The following DNAH5 variants were observed in gnomAD, a reference collection of about 807,000 sequenced individuals.
The protein encoded by DNAH5 is dynein axonemal heavy chain 5.
In DNAH5, 372 loss-of-function variants were observed where a neutral mutation model predicts 518.2. The observed-to-expected ratio is 0.72, with a 90% confidence interval of 0.66 to 0.78. The LOEUF (loss-of-function observed/expected upper bound fraction) is 0.78. Ranked by LOEUF, DNAH5 falls within the 30% of genes least tolerant of loss-of-function variation. The pLI is 0.00. For synonymous variants in DNAH5, 2,039 were observed against 2,025.9 expected, an observed-to-expected ratio of 1.01 and a Z score of -0.17; for missense variants, 5,523 against 5,687.0, an observed-to-expected ratio of 0.97 and a Z score of 0.93.
chr5:13,716,458 C>G (rs1744291551), intron 74 of DNAH5, 29 bp downstream of exon 74: 10 of 1,531,582 alleles, frequency 6.5e-6, no homozygotes, highest in Non-Finnish European at 8.1e-6. Context: ...GATATTTGCT[C>G]TATGCATAAA....
chr5:13,923,428 G>A lies in DNAH5; in HGVS notation c.290C>T (p.Ser97Phe), dbSNP rs753824168. ...AGAAACAAGATTTACCCCTCCTAGA[G>A]AGCCAAGTTGTCCTACAAAAGCAAA... is the stretch of plus-strand genomic sequence containing the variant. ...VEEAETGQLG[S>F]LGGVNLVSGK... The change falls in exon 4 of 79, where the codon TCT (serine) becomes TTT (phenylalanine). Residue 97 changes from serine to phenylalanine, a missense_variant. Coordinates refer to ENST00000265104, the MANE Select transcript of DNAH5 (RefSeq NM_001369.3). 1.2e-6 allele frequency: 2 copies of A among 1,614,052 alleles called. No homozygotes were observed. Among genetic ancestry groups the A allele is most frequent in the Non-Finnish European group, 1.7e-6 (2 of 1,179,976 alleles).
chr5:13,860,964 A>G (rs901954415), intron 29 of DNAH5, among the ~76,000 whole-genome samples: 6 of 152,148 alleles, frequency 3.9e-5, no homozygotes, highest in Non-Finnish European at 7.4e-5. Context: ...GAATATTTGT[A>G]TGCTCTTCAC....
At chr5:13,699,631 T>C (rs1741821505) in intron 78 of DNAH5, among the ~76,000 whole-genome samples, 1 of 152,174 alleles carries the variant, frequency 6.6e-6, no homozygotes, top group Non-Finnish European at 1.5e-5. Context: ...GGAGAATCGC[T>C]TGAACTCAGG....
intron 36 of DNAH5, 138 bp downstream of exon 36, chr5:13,830,459 G>GC (rs1763509411): frequency 2.8e-6 from 3 of 1,059,742 alleles, no homozygotes; most frequent in Non-Finnish European, 4.2e-6. Flanking sequence ...ACACAACCTG[G>GC]CAAGATTGAA....
rs563703674 is a variant in DNAH5, at chr5:13,918,854, G to A, written c.975+322C>T. Among the ~76,000 whole-genome samples the A allele has an allele frequency of 3.0e-3, 461 of 152,282 alleles. 2 individuals are homozygous for A. The highest frequency in any genetic ancestry group is 5.3e-3 in the Non-Finnish European group (358 of 68,024). On this transcript the variant is annotated intron_variant, in intron 7 of 78. Coordinates refer to ENST00000265104, the MANE Select transcript of DNAH5 (RefSeq NM_001369.3). ...GGACTAAAAAATAAATACAGATAGGGTGAGTTTTCATTATTATTATTTCTA... is the reference window on the plus strand; with the variant it reads ...GGACTAAAAAATAAATACAGATAGGATGAGTTTTCATTATTATTATTTCTA...
chr5:13,787,936 C>T (rs1756325655), intron 51 of DNAH5, among the ~76,000 whole-genome samples: 1 of 152,154 alleles, frequency 6.6e-6, no homozygotes. Context: ...TGTTTTTAAA[C>T]ATGCTTTTAA....
chr5:13,967,180 A>G (rs1355103455), intron 1 of DNAH5, among the ~76,000 whole-genome samples: 1 of 152,222 alleles, frequency 6.6e-6, no homozygotes, highest in Non-Finnish European at 1.5e-5. Context: ...TTTTGGTTTA[A>G]TTAAGTCCCA....
At position 13,866,176 on chromosome 5, in the gene DNAH5, C is replaced by G. The variant is rs374130053; in HGVS notation, c.4116+44G>C. On this transcript the variant is annotated intron_variant, in intron 26 of 78. Transcript: ENST00000265104. Reference sequence around the variant, plus strand: ...AAACATATGTGTGTTTAAAACACAACAAAGTTTCATTGTTTAGAAAGTCAT... The same window carrying G: ...AAACATATGTGTGTTTAAAACACAAGAAAGTTTCATTGTTTAGAAAGTCAT... 7.0e-6 allele frequency: 11 copies of G among 1,576,752 alleles called. No individual in the cohort carries two copies. In the African/African-American group the frequency reaches 1.3e-4, roughly 19 times the overall value.
At chr5:13,895,943 C>G (rs761134700) in intron 15 of DNAH5, among the ~76,000 whole-genome samples, 1 of 152,016 alleles carries the variant, frequency 6.6e-6, no homozygotes, top group African/African-American at 2.4e-5. Flanking sequence ...CACACACATA[C>G]AGGTAATCCA....
chr5:13,810,463 G>A (rs1391157487), intron 44 of DNAH5: 13 of 621,700 alleles, frequency 2.1e-5, no homozygotes, highest in South Asian at 2.1e-4. Context: ...AGGGTTGGCC[G>A]GGCACGGTGG....
chr5:13,995,384 C>T (rs1478964047), intron 1 of DNAH5, among the ~76,000 whole-genome samples: 1 of 152,170 alleles, frequency 6.6e-6, no homozygotes, highest in East Asian at 1.9e-4. Context: ...CTTTCTCCCT[C>T]CTGCTTCCCT....
At chr5:13,850,175 A>C (rs1766621897) in intron 31 of DNAH5, among the ~76,000 whole-genome samples, 1 of 152,210 alleles carries the variant, frequency 6.6e-6, no homozygotes, top group Non-Finnish European at 1.5e-5. Context: ...CAAAGGAAAA[A>C]AAAACAAACA....
intron 72 of DNAH5, among the ~76,000 whole-genome samples, chr5:13,717,964 C>T (rs902051491): frequency 4.6e-5 from 7 of 151,828 alleles, no homozygotes; most frequent in Admixed American, 1.3e-4. Flanking sequence ...AGTACATGCT[C>T]CAAATAATAA....
At chr5:13,857,269 C>G (rs572064803) in intron 30 of DNAH5, among the ~76,000 whole-genome samples, 1 of 152,080 alleles carries the variant, frequency 6.6e-6, no homozygotes, top group Non-Finnish European at 1.5e-5. Flanking sequence ...ACAATTGCTA[C>G]AAAGATAATA....
At chr5:13,829,007 C>G (rs1445813) in intron 38 of DNAH5, among the ~76,000 whole-genome samples, 60,591 of 152,068 alleles carry the variant, frequency 0.4, 12,288 homozygotes, top group East Asian at 0.61. Context: ...TAATGCAGAA[C>G]TATATGTTTA....
chr5:13,959,755 G>A (rs1190229125), intron 1 of DNAH5, among the ~76,000 whole-genome samples: 1 of 152,160 alleles, frequency 6.6e-6, no homozygotes, highest in Non-Finnish European at 1.5e-5. Context: ...ATCACCTGAG[G>A]TCAGGAATTT....
intron 65 of DNAH5, among the ~76,000 whole-genome samples, chr5:13,747,332 A>G (rs1344288294): frequency 2.0e-5 from 3 of 152,214 alleles, no homozygotes; most frequent in African/African-American, 7.2e-5. Context: ...TATTGTGAAT[A>G]GTGCCGCAAT....
chr5:13,823,292 G>T lies in DNAH5; in HGVS notation c.6658C>A (p.Pro2220Thr), dbSNP rs2151821296. The change falls in exon 40 of 79, where the codon CCT becomes ACT. Residue 2220 changes from proline to threonine, a missense_variant. Transcript: ENST00000265104. ...PNILLDKAGYPELEAAISRQV... is the reference protein window; with the variant it reads ...PNILLDKAGYTELEAAISRQV... The stretch of plus-strand genomic sequence containing the variant: ...CTACTAATTGCTGCTTCCAGTTCAG[G>T]GTAACCTGCCTTGTCCAGAAGAATA... 1 of 1,613,568 alleles carries T rather than the reference G, an allele frequency of 6.2e-7. No individual in the cohort carries two copies. Among genetic ancestry groups the T allele is most frequent in the Non-Finnish European group, 8.5e-7 (1 of 1,179,590 alleles).
chr5:13,944,004 A>C (rs1337870938), intron 1 of DNAH5, among the ~76,000 whole-genome samples: 2 of 152,204 alleles, frequency 1.3e-5, no homozygotes, highest in Non-Finnish European at 2.9e-5. Context: ...TCAAAGCCTA[A>C]ACCTTGCAGC....
Sources: allele counts gnomAD v4.1 joint callset (sites outside exome capture counted in the v4.1 genomes callset), GRCh38; gene constraint gnomAD v4.1.1; transcripts MANE v1.5; gene names NCBI Gene and HGNC (gene_info 2026-07-23, HGNC 2026-07-21).